The following DMBX1 variants were observed in gnomAD, a reference collection of about 807,000 sequenced individuals.
DMBX1 encodes the protein diencephalon/mesencephalon homeobox protein 1.
In DMBX1, 7 loss-of-function variants were observed where a neutral mutation model predicts 30.4. The observed-to-expected ratio is 0.23, with a 90% confidence interval of 0.13 to 0.43. DMBX1 has a LOEUF of 0.43. Among genes scored for constraint, DMBX1 ranks in the 20% least tolerant of loss-of-function variants. DMBX1 has a pLI of 1.00. For synonymous variants in DMBX1, 222 were observed against 214.2 expected, an observed-to-expected ratio of 1.04 and a Z score of -0.32; for missense variants, 460 against 508.5, an observed-to-expected ratio of 0.90 and a Z score of 0.92.
Position 46,506,992 on chromosome 1 carries a change from T to A in DMBX1, c.-12-7T>A. ...CCTCATGGCCCCTCTCCCTTTTCCG[T>A]CTGTAGGCGGATGCCGCCATGCAGC... On this transcript the variant is annotated splice_polypyrimidine_tract_variant and splice_region_variant and intron_variant, in intron 2 of 5. Coordinates refer to ENST00000360032, the MANE Select transcript of DMBX1 (RefSeq NM_172225.2). 1 of 1,613,632 alleles carries A rather than the reference T, an allele frequency of 6.2e-7. No individual in the cohort carries two copies. The highest frequency in any genetic ancestry group is 8.5e-7 in the Non-Finnish European group (1 of 1,179,658).
chr1:46,490,139 A>T (rs1315258742), intron 1 of DMBX1, among the ~76,000 whole-genome samples: 1 of 152,180 alleles, frequency 6.6e-6, no homozygotes, highest in African/African-American at 2.4e-5. Flanking sequence ...AGAGGAAGAG[A>T]TACCCGGGGC....
intron 3 of DMBX1, among the ~76,000 whole-genome samples, chr1:46,508,455 C>A (rs1404146391): frequency 6.6e-6 from 1 of 152,176 alleles, no homozygotes; most frequent in Non-Finnish European, 1.5e-5. Context: ...TCCTTTAGAC[C>A]CTGCCAGGCC....
chr1:46,504,840 C>T (rs1387640494), intron 2 of DMBX1, among the ~76,000 whole-genome samples: 1 of 150,062 alleles, frequency 6.7e-6, no homozygotes, highest in Non-Finnish European at 1.5e-5. Flanking sequence ...ATTCTTCCTA[C>T]CCATGAGCAT....
chr1:46,497,321 G>A (rs1027421272), intron 2 of DMBX1, among the ~76,000 whole-genome samples: 8 of 152,190 alleles, frequency 5.3e-5, no homozygotes, highest in African/African-American at 1.2e-4. Flanking sequence ...GACTTGGCAC[G>A]TGGTAGATAT....
Position 46,510,366 on chromosome 1 carries a change from G to C in DMBX1, c.155-110G>C, listed in dbSNP as rs1478570838. The C allele has an allele frequency of 1.2e-5, 17 of 1,372,784 alleles. No homozygotes were observed. The highest frequency in any genetic ancestry group is 1.5e-5 in the Non-Finnish European group (15 of 1,026,476). 85.0% of individuals were successfully genotyped at this position (1,372,784 alleles called of 1,614,324 possible). ...AGGGTAAGGGACCAGGGCCAGCTCT[G>C]GCAGCAGCCTGGGTGTCCACAGTGG... On this transcript the variant is annotated intron_variant, in intron 3 of 5. Coordinates refer to ENST00000360032, the MANE Select transcript of DMBX1 (RefSeq NM_172225.2). This position sits in a 1 kb window ranked among gnomAD's most constrained non-coding sequence, Gnocchi z 4.1.
In DMBX1 at chr1:46,490,761, G is replaced by T. The variant is rs1008917011; in HGVS notation, c.-35G>T. On this transcript the variant is annotated 5_prime_UTR_variant, in exon 2 of 6. Coordinates refer to ENST00000360032, the MANE Select transcript of DMBX1 (RefSeq NM_172225.2). ...AGCCAGCCTCTGCCCTCGAAGACGC[G>T]GCCTTGGTCTAGGAACCTTCAGGTG... Among the ~76,000 whole-genome samples, 1 of 152,258 alleles carries T rather than the reference G, an allele frequency of 6.6e-6. No individual in the cohort carries two copies. The highest frequency in any genetic ancestry group is 1.5e-5 in the Non-Finnish European group (1 of 68,052).
At chr1:46,494,078 AG>A (rs1665983047) in intron 2 of DMBX1, among the ~76,000 whole-genome samples, 1 of 152,232 alleles carries the variant, frequency 6.6e-6, no homozygotes, top group South Asian at 2.1e-4. Context: ...GCTCCGCCCA[AG>A]TCTCCTCGAT....
chr1:46,501,368 C>T (rs551013767), intron 2 of DMBX1, among the ~76,000 whole-genome samples: 1 of 151,812 alleles, frequency 6.6e-6, no homozygotes, highest in South Asian at 2.1e-4. Context: ...GCAACCTCCA[C>T]CTTCCGGGTT....
chr1:46,514,212 CA>C lies in DMBX1; in HGVS notation c.*1734del, dbSNP rs35003663. On this transcript the variant is annotated 3_prime_UTR_variant, in exon 6 of 6. Transcript: ENST00000360032. ...TGGGCGACGGAGTGAGACTCCATCTCAAAAAAAAAAAAAAAATAAATAAAAG... is the reference window on the plus strand; with the variant it reads ...TGGGCGACGGAGTGAGACTCCATCTCAAAAAAAAAAAAAAATAAATAAAAG... 7,355 of 96,542 alleles carry C rather than the reference CA, an allele frequency of 0.076. 174 individuals are homozygous for C. The highest frequency in any genetic ancestry group is 0.086 in the African/African-American group (1,823 of 21,102). 6.0% of individuals were successfully genotyped at this position (96,542 alleles called of 1,614,324 possible).
intron 3 of DMBX1, among the ~76,000 whole-genome samples, chr1:46,507,584 C>G (rs1354733763): frequency 1.3e-5 from 2 of 152,142 alleles, no homozygotes; most frequent in Non-Finnish European, 2.9e-5. Flanking sequence ...GTTCTGACAC[C>G]AACTGTGAGT....
intron 2 of DMBX1, among the ~76,000 whole-genome samples, chr1:46,496,575 T>C (rs919915974): frequency 6.6e-6 from 1 of 152,240 alleles, no homozygotes; most frequent in African/African-American, 2.4e-5. Flanking sequence ...TTTAAAATCT[T>C]GGACCCAAAA....
At position 46,491,435 on chromosome 1, in the gene DMBX1, G is replaced by A. The variant is rs1316215811; in HGVS notation, c.-13+652G>A. ...GTTTGAGAAAAGTCCTCGGAGGCCG[G>A]GGCAGGGTGCGCCGATATTGGTTTA... On this transcript the variant is annotated intron_variant, in intron 2 of 5. Coordinates refer to ENST00000360032, the MANE Select transcript of DMBX1 (RefSeq NM_172225.2). The surrounding 1 kb of genome is among the most constrained non-coding windows in gnomAD (Gnocchi z 5.5). Among the ~76,000 whole-genome samples the A allele has an allele frequency of 6.6e-6, 1 of 152,236 alleles. No homozygotes were observed. Among genetic ancestry groups the A allele is most frequent in the East Asian group, 1.9e-4 (1 of 5,200 alleles).
chr1:46,509,831 C>T (rs1361835461), intron 3 of DMBX1, among the ~76,000 whole-genome samples: 1 of 152,152 alleles, frequency 6.6e-6, no homozygotes, highest in Non-Finnish European at 1.5e-5. Flanking sequence ...CCACTCTTAC[C>T]CCTTAGCCAG....
intron 1 of DMBX1, among the ~76,000 whole-genome samples, 182 bp from the exon 2 acceptor site, chr1:46,490,462 C>G (rs1665908491): frequency 6.6e-6 from 1 of 152,144 alleles, no homozygotes. Flanking sequence ...GTAATGCGGA[C>G]CAGATGCGGC....
At chr1:46,503,913 G>T (rs965471262) in intron 2 of DMBX1, among the ~76,000 whole-genome samples, 2 of 152,232 alleles carry the variant, frequency 1.3e-5, no homozygotes, top group African/African-American at 4.8e-5. Context: ...ACTGGGTGAG[G>T]GTCCGGATGG....
rs1665920319 is a variant in DMBX1, at chr1:46,491,073, T to C, written c.-13+290T>C. ...CCCGGGCACCACCGGCTGAACTTTC[T>C]GGCGGTCACAAATTCCCGGAACCTG... On this transcript the variant is annotated intron_variant, in intron 2 of 5. Transcript: ENST00000360032. This position sits in a 1 kb window ranked among gnomAD's most constrained non-coding sequence, Gnocchi z 5.5. 6.6e-6 allele frequency among the ~76,000 whole-genome samples: 1 copy of C among 152,230 alleles called. No individual in the cohort carries two copies. Among genetic ancestry groups the C allele is most frequent in the Non-Finnish European group, 1.5e-5 (1 of 68,046 alleles).
intron 2 of DMBX1, among the ~76,000 whole-genome samples, chr1:46,502,636 C>T (rs1557786591): frequency 6.6e-6 from 1 of 152,134 alleles, no homozygotes; most frequent in Non-Finnish European, 1.5e-5. Context: ...CCTGTAATTC[C>T]AGCACTTTGG....
At chr1:46,500,820 G>A (rs1170763427) in intron 2 of DMBX1, among the ~76,000 whole-genome samples, 1 of 152,036 alleles carries the variant, frequency 6.6e-6, no homozygotes, top group Non-Finnish European at 1.5e-5. Context: ...TAGTCCACTG[G>A]GAATACCTGT....
chr1:46,504,590 C>T (rs1394200768), intron 2 of DMBX1, among the ~76,000 whole-genome samples: 1 of 145,284 alleles, frequency 6.9e-6, no homozygotes, highest in African/African-American at 2.6e-5. Context: ...GTTTTGGTAC[C>T]AGTACCATGC....
Sources: allele counts gnomAD v4.1 joint callset (sites outside exome capture counted in the v4.1 genomes callset), GRCh38; gene constraint gnomAD v4.1.1; non-coding constraint Gnocchi (gnomAD v3.1); transcripts MANE v1.5; gene names NCBI Gene and HGNC (gene_info 2026-07-23, HGNC 2026-07-21).